Variants in KCTD19 observed in about 807,000 individuals in gnomAD.
KCTD19 encodes potassium channel tetramerization domain containing 19, also known as BTB/POZ domain-containing protein KCTD19.
In KCTD19, 67 loss-of-function variants were observed where a neutral mutation model predicts 103.5. That is an observed-to-expected ratio of 0.65 (90% CI 0.53 to 0.79). KCTD19 has a LOEUF of 0.79. Ranked by LOEUF, KCTD19 falls within the 30% of genes least tolerant of loss-of-function variation. KCTD19 has a pLI of 0.00. For missense variants in KCTD19, 980 were observed against 1,136.1 expected (o/e 0.86, Z 1.98); for synonymous variants, 439 against 452.2 (o/e 0.97, Z 0.37).
rs2036858905 is a variant in KCTD19 at position 67,303,345 on chromosome 16, A to G, written c.452-8T>C. The G allele has an allele frequency of 6.2e-7, 1 of 1,602,224 alleles. No individual in the cohort carries two copies. Among genetic ancestry groups the G allele is most frequent in the Non-Finnish European group, 8.5e-7 (1 of 1,172,884 alleles). ...GTGCCTTATCATGTAGGCCTGGAAG[A>G]GAACATGCAGGCAGTGTTGCCACCT... On this transcript the variant is annotated splice_polypyrimidine_tract_variant and splice_region_variant and intron_variant, in intron 3 of 15. Transcript: ENST00000304372. The surrounding 1 kb of genome is among the most constrained non-coding windows in gnomAD (Gnocchi z 4.3).
chr16:67,311,946 A>G (rs947345195), intron 2 of KCTD19, among the ~76,000 whole-genome samples: 6 of 152,234 alleles, frequency 3.9e-5, no homozygotes, highest in African/African-American at 1.4e-4. Flanking sequence ...GATCACAGTC[A>G]TAATCTCACA....
chr16:67,315,261 TGGGCC>T (rs1295117745), intron 2 of KCTD19, among the ~76,000 whole-genome samples: 13 of 151,282 alleles, frequency 8.6e-5, no homozygotes, highest in Admixed American at 8.5e-4. Context: ...GGCCTCCAAG[TGGGCC>T]AACGAGCCAC....
chr16:67,311,704 A>AGT (rs1263065746), intron 2 of KCTD19, among the ~76,000 whole-genome samples: 1 of 151,894 alleles, frequency 6.6e-6, no homozygotes, highest in Middle Eastern at 3.4e-3. Flanking sequence ...TGAACTTCAA[A>AGT]GTGTGTGTGT....
At chr16:67,304,668 T>C in intron 2 of KCTD19, 97 bp from the exon 3 acceptor site, 3 of 275,674 alleles carry the variant, frequency 1.1e-5, no homozygotes, top group East Asian at 2.2e-4. Flanking sequence ...TGTGACTTAC[T>C]TTTTTTTTTT....
At chr16:67,308,908 C>T (rs965901364) in intron 2 of KCTD19, among the ~76,000 whole-genome samples, 2 of 151,912 alleles carry the variant, frequency 1.3e-5, no homozygotes, top group South Asian at 2.1e-4. Flanking sequence ...CGAGCTGGGC[C>T]GATCACTTGA....
chr16:67,296,331 G>T, intron 7 of KCTD19, 72 bp from the exon 8 acceptor site: 2 of 921,284 alleles, frequency 2.2e-6, no homozygotes, highest in South Asian at 1.3e-5. Flanking sequence ...CCTTTGGTTA[G>T]TAGTGTATTT....
At chr16:67,302,004 G>T in intron 4 of KCTD19, 82 bp from the exon 5 acceptor site, 1 of 1,327,902 alleles carries the variant, frequency 7.5e-7, no homozygotes, top group Admixed American at 1.7e-5. Context: ...CAGGTTTCTG[G>T]TGCTGTAACT....
intron 2 of KCTD19, among the ~76,000 whole-genome samples, chr16:67,304,911 A>G (rs1278708770): frequency 6.6e-6 from 1 of 152,106 alleles, no homozygotes; most frequent in East Asian, 1.9e-4. Context: ...CAGGTGATCC[A>G]TCCGCCTCGG....
At chr16:67,304,660 T>C (rs2036872849) in intron 2 of KCTD19, 89 bp from the exon 3 acceptor site, 1 of 1,216,990 alleles carries the variant, frequency 8.2e-7, no homozygotes, top group African/African-American at 1.5e-5. Context: ...AAACAGTATG[T>C]GACTTACTTT....
intron 2 of KCTD19, among the ~76,000 whole-genome samples, chr16:67,315,544 C>T (rs1327371117): frequency 6.6e-6 from 1 of 152,042 alleles, no homozygotes; most frequent in Non-Finnish European, 1.5e-5. Flanking sequence ...CACAGTGGCA[C>T]GATCTCTGCT....
intron 2 of KCTD19, among the ~76,000 whole-genome samples, chr16:67,315,987 A>G (rs1440370895): frequency 1.3e-5 from 2 of 152,030 alleles, no homozygotes; most frequent in African/African-American, 4.8e-5. Context: ...TTTTTCATTC[A>G]GATTTCTGCT....
At chr16:67,314,451 C>A (rs1246568493) in intron 2 of KCTD19, among the ~76,000 whole-genome samples, 1 of 152,098 alleles carries the variant, frequency 6.6e-6, no homozygotes, top group Admixed American at 6.6e-5. Context: ...TTCTCACTCA[C>A]CCATCCTTCC....
chr16:67,294,903 TAGGAC>T, intron 10 of KCTD19, 65 bp downstream of exon 10: 3 of 1,267,718 alleles, frequency 2.4e-6, no homozygotes, highest in Non-Finnish European at 2.3e-6. Flanking sequence ...GAGTAGGACT[TAGGAC>T]AGGATTTCAA....
intron 3 of KCTD19, among the ~76,000 whole-genome samples, chr16:67,304,064 A>G (rs540420912): frequency 6.6e-6 from 1 of 152,348 alleles, no homozygotes; most frequent in Admixed American, 6.5e-5. Context: ...GATAGGCTGA[A>G]CTATGCTGCC....
intron 7 of KCTD19, 150 bp downstream of exon 7, chr16:67,297,353 G>T: frequency 1.3e-6 from 1 of 747,890 alleles, no homozygotes; most frequent in Non-Finnish European, 2.2e-6. Flanking sequence ...TAATATGAAA[G>T]TTTCCCTTTT....
At chr16:67,310,422 T>G (rs1234505999) in intron 2 of KCTD19, among the ~76,000 whole-genome samples, 2 of 152,230 alleles carry the variant, frequency 1.3e-5, no homozygotes. Context: ...GTGGCTGGTC[T>G]TCTACAGGCT....
rs2036730792 is a variant in KCTD19 at position 67,293,859 on chromosome 16, G to A, written c.1903C>T (p.Leu635Phe). The change falls in exon 12 of 16, where the codon CTC (leucine) becomes TTC (phenylalanine). Residue 635 changes from leucine (L) to phenylalanine (F), a missense_variant. By Grantham distance (22) the Leu-to-Phe change is conservative. Coordinates refer to ENST00000304372, the MANE Select transcript of KCTD19 (RefSeq NM_001100915.3). The surrounding 1 kb of genome is among the most constrained non-coding windows in gnomAD (Gnocchi z 4.0). ...TCCCATTCTCTCACCAGGGAGATGA[G>A]TTTTTGCATGGGAGTGGCGGGAGGG... Reference protein sequence around the residue: ...KDPPATPMQKLISLVREWDMV... With the variant: ...KDPPATPMQKFISLVREWDMV... 9 of 1,614,110 alleles carry A rather than the reference G, an allele frequency of 5.6e-6. 1 individual carries two copies. The highest frequency in any genetic ancestry group is 4.2e-6 in the Non-Finnish European group (5 of 1,180,032).
intron 2 of KCTD19, among the ~76,000 whole-genome samples, chr16:67,306,171 A>G (rs144812118): frequency 5.1e-4 from 78 of 152,344 alleles, no homozygotes; most frequent in African/African-American, 1.8e-3. Flanking sequence ...TTGGGAGAGA[A>G]GAAAGATATG....
chr16:67,293,997 A>G lies in KCTD19; in HGVS notation c.1765T>C (p.Ser589Pro). The change falls in exon 12 of 16, where the codon TCA becomes CCA. Residue 589 changes from serine to proline, a missense_variant. Transcript: ENST00000304372. This position sits in a 1 kb window ranked among gnomAD's most constrained non-coding sequence, Gnocchi z 4.0. ...AKRAGNPSTY[S>P]HCRGLCTNPG... Reference sequence around the variant, plus strand: ...TTGGTACACAAGCCACGGCAGTGTGAGTATGTGCTAGGGTTGCCAGCCCTC... The same window carrying G: ...TTGGTACACAAGCCACGGCAGTGTGGGTATGTGCTAGGGTTGCCAGCCCTC... 1 of 1,614,040 alleles carries G rather than the reference A, an allele frequency of 6.2e-7. No homozygotes were observed. The highest frequency in any genetic ancestry group is 8.5e-7 in the Non-Finnish European group (1 of 1,179,990).
Sources: gnomAD v4.1 joint callset for allele counts (sites outside exome capture counted in the v4.1 genomes callset) on GRCh38, gnomAD v4.1.1 for gene constraint, Gnocchi (gnomAD v3.1) non-coding constraint, MANE v1.5 for transcripts, NCBI Gene and HGNC (gene_info 2026-07-23, HGNC 2026-07-21) for gene names.